C3orf20: variants seen among roughly 807,000 people sequenced by gnomAD.
The protein encoded by C3orf20 is uncharacterized protein C3orf20.
A neutral mutation model predicts 88.3 loss-of-function variants in C3orf20; 76 were observed. That is an observed-to-expected ratio of 0.86 (90% CI 0.72 to 1.04). The LOEUF is 1.04. Ranked by LOEUF, C3orf20 falls within the 50% of genes least tolerant of loss-of-function variation. The pLI, the probability that C3orf20 is intolerant of heterozygous loss-of-function variation, is 0.00. For synonymous variants in C3orf20, 436 were observed against 437.4 expected (o/e 1.00, Z 0.04); for missense variants, 1,056 against 1,123.3 (o/e 0.94, Z 0.86).
At chr3:14,751,662 T>C (rs2035222046) in intron 12 of C3orf20, among the ~76,000 whole-genome samples, 2 of 151,996 alleles carry the variant, frequency 1.3e-5, no homozygotes, top group Non-Finnish European at 2.9e-5. Flanking sequence ...TGTGCAAAAA[T>C]CACAAGCATT....
chr3:14,766,634 G>A (rs907741655), intron 15 of C3orf20, among the ~76,000 whole-genome samples: 1 of 152,230 alleles, frequency 6.6e-6, no homozygotes, highest in African/African-American at 2.4e-5. Flanking sequence ...GTGAGCAGAG[G>A]TGCTGCCCGG....
chr3:14,730,705 A>G (rs895956981), intron 12 of C3orf20, among the ~76,000 whole-genome samples: 1 of 152,160 alleles, frequency 6.6e-6, no homozygotes, highest in Non-Finnish European at 1.5e-5. Context: ...GTGTATGTTC[A>G]GCTTCTAGTA....
chr3:14,738,921 GC>G (rs1162040387), intron 12 of C3orf20, among the ~76,000 whole-genome samples: 5 of 148,920 alleles, frequency 3.4e-5, no homozygotes, highest in Non-Finnish European at 7.4e-5. Context: ...CTCCCAAAGT[GC>G]CGGGATTACA....
At chr3:14,687,270 GT>G (rs1575091530) in intron 4 of C3orf20, among the ~76,000 whole-genome samples, 1 of 152,186 alleles carries the variant, frequency 6.6e-6, no homozygotes, top group East Asian at 1.9e-4. Context: ...AAGACTTAAT[GT>G]GTTCTTAGAG....
chr3:14,682,379 C>A (rs746673759), intron 2 of C3orf20, 48 bp downstream of exon 2: 8 of 233,920 alleles, frequency 3.4e-5, no homozygotes, highest in South Asian at 3.4e-4. Context: ...TTCCTCCAGC[C>A]CCCCCAGGGT....
intron 15 of C3orf20, among the ~76,000 whole-genome samples, chr3:14,771,026 C>T (rs1022361438): frequency 6.6e-6 from 1 of 152,222 alleles, no homozygotes; most frequent in South Asian, 2.1e-4. Flanking sequence ...AGTGTGCCCC[C>T]CAAAGTTCAT....
intron 8 of C3orf20, 54 bp from the exon 9 acceptor site, chr3:14,715,235 G>GGA: frequency 6.3e-7 from 1 of 1,590,586 alleles, no homozygotes; most frequent in Non-Finnish European, 8.6e-7. Context: ...CTGCGGTGAT[G>GGA]AGAGCTTCCT....
chr3:14,702,727 C>T (rs2033325652), intron 5 of C3orf20, among the ~76,000 whole-genome samples: 2 of 152,142 alleles, frequency 1.3e-5, no homozygotes, highest in South Asian at 4.1e-4. Context: ...AGGCACGAGC[C>T]ACCATGCCTG....
Position 14,682,689 on chromosome 3 carries a change from C to G in C3orf20, c.-25C>G. 6.3e-7 allele frequency: 1 copy of G among 1,577,236 alleles called. No homozygotes were observed. ...GCTCTCAGTCACCTCTCAGAGAGCT[C>G]TCTTTATAGCTGAAGGTCCCTCTCA... On this transcript the variant is annotated 5_prime_UTR_variant, in exon 3 of 17. Transcript: ENST00000253697.
intron 12 of C3orf20, among the ~76,000 whole-genome samples, chr3:14,742,341 C>A (rs780337766): frequency 6.6e-6 from 1 of 152,090 alleles, no homozygotes; most frequent in Non-Finnish European, 1.5e-5. Context: ...GTTTGGGAGG[C>A]GTTAGATGAG....
At chr3:14,731,191 G>A (rs565102333) in intron 12 of C3orf20, among the ~76,000 whole-genome samples, 2 of 152,282 alleles carry the variant, frequency 1.3e-5, no homozygotes, top group South Asian at 2.1e-4. Context: ...GTTCTTTGTA[G>A]ATATAGTTTT....
chr3:14,688,529 C>CAAAAAAAA (rs35979290), intron 4 of C3orf20, among the ~76,000 whole-genome samples: 11 of 105,836 alleles, frequency 1.0e-4, no homozygotes, highest in Non-Finnish European at 1.3e-4. Context: ...GAGACTGTCT[C>CAAAAAAAA]AAAAAAAAAA....
At chr3:14,739,664 T>C (rs2034842237) in intron 12 of C3orf20, among the ~76,000 whole-genome samples, 1 of 152,234 alleles carries the variant, frequency 6.6e-6, no homozygotes, top group African/African-American at 2.4e-5. Context: ...TGGCATCTTC[T>C]TCCAGTAGAA....
intron 10 of C3orf20, among the ~76,000 whole-genome samples, chr3:14,723,546 T>A (rs1257869451): frequency 6.6e-6 from 1 of 152,200 alleles, no homozygotes; most frequent in Non-Finnish European, 1.5e-5. Context: ...CCAATGATCA[T>A]CTAGCTTCAC....
At chr3:14,706,417 T>C (rs1238844299) in intron 7 of C3orf20, among the ~76,000 whole-genome samples, 4 of 151,984 alleles carry the variant, frequency 2.6e-5, no homozygotes, top group African/African-American at 9.7e-5. Flanking sequence ...GCTGTGTCTA[T>C]GAATTAGTCT....
At position 14,762,835 on chromosome 3, in the gene C3orf20, A is replaced by G. The variant is rs1351049665; in HGVS notation, c.2495+1220A>G. 3.9e-5 allele frequency among the ~76,000 whole-genome samples: 6 copies of G among 152,294 alleles called. No individual in the cohort carries two copies. The East Asian group carries it at 5.8e-4, about 15-fold the overall frequency. On this transcript the variant is annotated intron_variant, in intron 15 of 16. Coordinates refer to ENST00000253697, the MANE Select transcript of C3orf20 (RefSeq NM_032137.5). ...AGGAGTCTTATGCCCTTCTCACTGC[A>G]GTAAGCTGAGTCTGGGCCTTGTCCG...
At chr3:14,685,191 A>G (rs1205638109) in intron 4 of C3orf20, among the ~76,000 whole-genome samples, 7 of 152,212 alleles carry the variant, frequency 4.6e-5, no homozygotes, top group Non-Finnish European at 7.3e-5. Flanking sequence ...ACAGAGAGAA[A>G]TCTCCAATGA....
chr3:14,703,265 G>T lies in C3orf20; in HGVS notation c.878+3G>T, dbSNP rs1175241038. 6.2e-7 allele frequency: 1 copy of T among 1,613,944 alleles called. No individual in the cohort carries two copies. The highest frequency in any genetic ancestry group is 8.5e-7 in the Non-Finnish European group (1 of 1,180,038). ...CTGCAGGAGTTGTGTCGCCACATGT[G>T]AGCACCTCAGTGCTTGGGTCGGGGG... On this transcript the variant is annotated splice_donor_region_variant and intron_variant, in intron 6 of 16. Transcript: ENST00000253697.
At chr3:14,732,068 C>T (rs1326874567) in intron 12 of C3orf20, among the ~76,000 whole-genome samples, 1 of 152,212 alleles carries the variant, frequency 6.6e-6, no homozygotes, top group Non-Finnish European at 1.5e-5. Context: ...AAGAAACTGC[C>T]AACTGTCTTC....
Sources: allele counts gnomAD v4.1 joint callset (sites outside exome capture counted in the v4.1 genomes callset), GRCh38; gene constraint gnomAD v4.1.1; transcripts MANE v1.5; gene names NCBI Gene and HGNC (gene_info 2026-07-23, HGNC 2026-07-21).